NOX4: variants seen among roughly 807,000 people sequenced by gnomAD.
The protein encoded by NOX4 is kidney oxidase-1.
Under a neutral mutation model 87.6 loss-of-function variants are expected in NOX4, and 69 were observed. That is an observed-to-expected ratio of 0.79 (90% CI 0.65 to 0.96). The LOEUF (loss-of-function observed/expected upper bound fraction) is 0.96, where lower values mean the gene tolerates loss of function less well. NOX4 is among the 40% of genes least tolerant of loss of function. The probability of loss-of-function intolerance (pLI) is 0.00; values close to 1 mark genes in which losing one functional copy is unlikely to be tolerated. For synonymous variants in NOX4, 275 were observed against 238.2 expected (o/e 1.15, Z -1.42); for missense variants, 680 against 681.5 (o/e 1.00, Z 0.02).
intron 2 of NOX4, among the ~76,000 whole-genome samples, chr11:89,476,351 A>G (rs1946167818): frequency 6.6e-6 from 1 of 152,126 alleles, no homozygotes; most frequent in South Asian, 2.1e-4. Flanking sequence ...CGCAGTTCAT[A>G]AGAAAGATAT....
At chr11:89,511,416 T>A in the NOX4 span, among the ~76,000 whole-genome samples, 1 of 151,882 alleles carries the variant, frequency 6.6e-6, no homozygotes, top group Admixed American at 6.6e-5. Flanking sequence ...CTTCCCCCTA[T>A]CCTCTGGTAA....
chr11:89,444,321 A>T, intron 4 of NOX4, 89 bp from the exon 5 acceptor site: 1 of 1,022,874 alleles, frequency 9.8e-7, no homozygotes. Context: ...AAGTAAATAC[A>T]GGGCCAAACT....
chr11:89,527,296 G>A, the NOX4 span, among the ~76,000 whole-genome samples: 301 of 152,308 alleles, frequency 2.0e-3, 1 homozygote, highest in African/African-American at 6.9e-3. Flanking sequence ...AAGGGAGGCA[G>A]AGCATAAAAG....
At chr11:89,330,079 A>G (rs1201771591) in intron 17 of NOX4, among the ~76,000 whole-genome samples, 1 of 152,178 alleles carries the variant, frequency 6.6e-6, no homozygotes, top group Non-Finnish European at 1.5e-5. Context: ...TATATGTAAG[A>G]TGAATGCAAA....
intron 16 of NOX4, among the ~76,000 whole-genome samples, chr11:89,337,161 G>T (rs1378339655): frequency 6.6e-6 from 1 of 151,864 alleles, no homozygotes; most frequent in African/African-American, 2.4e-5. Context: ...TCAATAAAAA[G>T]AAATCATAAG....
the NOX4 span, among the ~76,000 whole-genome samples, chr11:89,553,738 C>T: frequency 2.0e-5 from 3 of 152,162 alleles, no homozygotes; most frequent in African/African-American, 4.8e-5. Context: ...GCCCATTACA[C>T]ACATATTATC....
intron 11 of NOX4, 130 bp from the exon 12 acceptor site, chr11:89,373,622 T>G (rs1939621979): frequency 1.6e-6 from 1 of 607,694 alleles, no homozygotes. Flanking sequence ...GACTAAAATC[T>G]ATACAGATCC....
At chr11:89,549,988 A>C in the NOX4 span, among the ~76,000 whole-genome samples, 6 of 152,112 alleles carry the variant, frequency 3.9e-5, no homozygotes, top group Non-Finnish European at 8.8e-5. Flanking sequence ...TAGTAGAATG[A>C]TTTATAATCC....
the NOX4 span, among the ~76,000 whole-genome samples, chr11:89,544,283 T>G: frequency 6.6e-6 from 1 of 152,188 alleles, no homozygotes; most frequent in African/African-American, 2.4e-5. Flanking sequence ...TATATTTTCC[T>G]AATCTCTGTT....
the NOX4 span, among the ~76,000 whole-genome samples, chr11:89,557,396 A>G: frequency 6.6e-6 from 1 of 152,280 alleles, no homozygotes; most frequent in East Asian, 1.9e-4. Flanking sequence ...GAGGGACCCA[A>G]GCCAGGTCAA....
the NOX4 span, among the ~76,000 whole-genome samples, chr11:89,572,732 T>C: frequency 6.6e-6 from 1 of 152,154 alleles, no homozygotes; most frequent in African/African-American, 2.4e-5. Flanking sequence ...TCTTCTTTCT[T>C]ATCTTTTTTC....
rs185767203 is a variant in NOX4, at chr11:89,336,018, G to A, written c.1516-73C>T. 1.7e-3 allele frequency: 1,569 copies of A among 898,470 alleles called. 16 individuals carry two copies. The highest frequency in any genetic ancestry group is 8.2e-4 in the Non-Finnish European group (479 of 582,304). 55.7% of individuals were successfully genotyped at this position (898,470 alleles called of 1,614,324 possible). A position where few individuals can be genotyped will look rare whatever the true frequency, so the allele number is the denominator to read the frequency against. Reference sequence around the variant, plus strand: ...CAGTTCTCTAACATCATTTCTGCTGGTGCTGCGGCTTCCCACCAAATTGCT... The same window carrying A: ...CAGTTCTCTAACATCATTTCTGCTGATGCTGCGGCTTCCCACCAAATTGCT... On this transcript the variant is annotated intron_variant, in intron 16 of 17. Coordinates refer to ENST00000263317, the MANE Select transcript of NOX4 (RefSeq NM_016931.5).
the NOX4 span, among the ~76,000 whole-genome samples, chr11:89,583,767 C>G: frequency 6.6e-6 from 1 of 152,086 alleles, no homozygotes; most frequent in African/African-American, 2.4e-5. Context: ...AGGAATTGCA[C>G]TGATCCCTCT....
the NOX4 span, among the ~76,000 whole-genome samples, chr11:89,509,227 C>T: frequency 8.1e-6 from 1 of 123,748 alleles, no homozygotes; most frequent in Non-Finnish European, 1.7e-5. Flanking sequence ...TCAAAAGAAA[C>T]AATATATCTT....
chr11:89,469,625 C>T (rs1039946901), intron 2 of NOX4, among the ~76,000 whole-genome samples: 1 of 152,140 alleles, frequency 6.6e-6, no homozygotes. Flanking sequence ...CATAAAGCTG[C>T]AAGAATGGGA....
chr11:89,589,486 T>C, the NOX4 span: 11 of 152,226 alleles, frequency 7.2e-5, no homozygotes, highest in Non-Finnish European at 8.8e-5. Flanking sequence ...GCAGGCATGC[T>C]GTGAGAAGTT....
At chr11:89,439,663 T>C (rs1944371334) in intron 6 of NOX4, among the ~76,000 whole-genome samples, 1 of 152,144 alleles carries the variant, frequency 6.6e-6, no homozygotes, top group Non-Finnish European at 1.5e-5. Context: ...CTGAAATATG[T>C]GCTAAAAATT....
At chr11:89,472,362 GC>G (rs1945982138) in intron 2 of NOX4, among the ~76,000 whole-genome samples, 1 of 151,320 alleles carries the variant, frequency 6.6e-6, no homozygotes, top group African/African-American at 2.4e-5. Flanking sequence ...TCTATAATCT[GC>G]TTTTTTTTCC....
chr11:89,458,783 T>A (rs1945321707), intron 2 of NOX4, among the ~76,000 whole-genome samples: 1 of 152,138 alleles, frequency 6.6e-6, no homozygotes, highest in African/African-American at 2.4e-5. Flanking sequence ...AGAATGGCTA[T>A]AATTAAAAAG....
Sources: allele counts gnomAD v4.1 joint callset (sites outside exome capture counted in the v4.1 genomes callset), GRCh38; gene constraint gnomAD v4.1.1; transcripts MANE v1.5; gene names NCBI Gene and HGNC (gene_info 2026-07-23, HGNC 2026-07-21).